Variants in NLGN4Y observed in about 807,000 individuals in gnomAD.
The protein encoded by NLGN4Y is neuroligin-4, Y-linked.
In NLGN4Y, 4 loss-of-function variants were observed where a neutral mutation model predicts 8.4. That is an observed-to-expected ratio of 0.48 (90% CI 0.23 to 1.09). NLGN4Y has a LOEUF of 1.09. Among genes scored for constraint, NLGN4Y ranks in the 50% least tolerant of loss-of-function variants. The pLI is 0.19. For missense variants in NLGN4Y, 90 were observed against 192.3 expected (o/e 0.47, Z 3.15); for synonymous variants, 35 against 75.6 (o/e 0.46, Z 2.78).
At chrY:14,576,665 G>C in intron 1 of NLGN4Y, among the ~76,000 whole-genome samples, 1 of 33,529 alleles carries the variant, frequency 3.0e-5, no homozygotes, top group Non-Finnish European at 7.4e-5. Flanking sequence ...GTTCTGCATC[G>C]CTTATGCTGG....
chrY:14,556,082 T>G (rs2080209846), intron 1 of NLGN4Y, among the ~76,000 whole-genome samples: 1 of 32,706 alleles, frequency 3.1e-5, no homozygotes, highest in Non-Finnish European at 7.5e-5. Context: ...CACTCCAGGA[T>G]GCAGGGGTTA....
At chrY:14,762,002 A>G in intron 4 of NLGN4Y, among the ~76,000 whole-genome samples, 1 of 32,573 alleles carries the variant, frequency 3.1e-5, no homozygotes, top group Non-Finnish European at 7.5e-5. Context: ...AACATAAAAA[A>G]TTAGCTGCTG....
chrY:14,577,557 C>T (rs2080303021), intron 1 of NLGN4Y, among the ~76,000 whole-genome samples: 1 of 34,156 alleles, frequency 2.9e-5, no homozygotes, highest in African/African-American at 1.1e-4. Flanking sequence ...GTAATCCCAG[C>T]GTTATTGTGT....
intron 1 of NLGN4Y, among the ~76,000 whole-genome samples, chrY:14,596,672 G>A: frequency 9.0e-5 from 3 of 33,332 alleles, no homozygotes; most frequent in African/African-American, 3.5e-4. Context: ...GGTTGTTAGA[G>A]AGCCCTTTCC....
chrY:14,631,074 T>TA (rs2080547097), intron 2 of NLGN4Y, among the ~76,000 whole-genome samples: 8 of 31,974 alleles, frequency 2.5e-4, no homozygotes, highest in Non-Finnish European at 3.8e-4. Context: ...GATATATATA[T>TA]TTTTTTTTCA....
chrY:14,724,850 C>G (rs975114050), intron 4 of NLGN4Y, among the ~76,000 whole-genome samples: 9 of 32,254 alleles, frequency 2.8e-4, no homozygotes, highest in African/African-American at 7.3e-4. Flanking sequence ...CCATGGTGGC[C>G]AGGCTGGTTT....
At chrY:14,774,919 C>T in intron 4 of NLGN4Y, among the ~76,000 whole-genome samples, 2 of 32,951 alleles carry the variant, frequency 6.1e-5, no homozygotes, top group Non-Finnish European at 1.5e-4. Flanking sequence ...AAACCAAACA[C>T]TCTTATGTTC....
chrY:14,788,367 G>A (rs111463427), intron 4 of NLGN4Y, among the ~76,000 whole-genome samples: 325 of 33,154 alleles, frequency 9.8e-3, no homozygotes, highest in African/African-American at 0.031. Context: ...CCAGGGATGC[G>A]TTCACTTCCA....
At chrY:14,608,009 A>G in intron 1 of NLGN4Y, among the ~76,000 whole-genome samples, 1 of 34,381 alleles carries the variant, frequency 2.9e-5, no homozygotes, top group East Asian at 7.7e-4. Context: ...TGTTGACTGC[A>G]CAAATGTCCT....
chrY:14,833,027 T>G, intron 6 of NLGN4Y, among the ~76,000 whole-genome samples: 1 of 32,746 alleles, frequency 3.1e-5, no homozygotes, highest in Non-Finnish European at 7.5e-5. Flanking sequence ...TGGGCTCACC[T>G]AGGGGGGCTG....
Position 14,809,303 on chromosome Y carries a change from G to A in NLGN4Y, c.686-14885G>A, listed in dbSNP as rs2150586891. Among the ~76,000 whole-genome samples, 8 of 32,156 alleles carry A rather than the reference G, an allele frequency of 2.5e-4. No individual in the cohort carries two copies. The South Asian group carries it at 4.1e-3, about 17-fold the overall frequency. The allele number at this position is 32,156 out of a possible 37,273, so 86.3% of individuals were successfully genotyped here. On this transcript the variant is annotated intron_variant, in intron 4 of 6. Coordinates refer to ENST00000684976, the MANE Select transcript of NLGN4Y (RefSeq NM_001365588.1). The stretch of plus-strand genomic sequence containing the variant: ...AGACCAGCCTGGACAACATGGCAAC[G>A]TCTCTGCAAAAAATACAAAAATTAG...
chrY:14,652,815 G>A, intron 2 of NLGN4Y, among the ~76,000 whole-genome samples: 1 of 32,307 alleles, frequency 3.1e-5, no homozygotes, highest in Non-Finnish European at 7.6e-5. Flanking sequence ...TTGTTGCCTT[G>A]TAAAGGTATT....
chrY:14,598,385 C>A, intron 1 of NLGN4Y, among the ~76,000 whole-genome samples: 2 of 33,907 alleles, frequency 5.9e-5, no homozygotes, highest in African/African-American at 1.1e-4. Flanking sequence ...AGCGCAGCGC[C>A]GGTGGGCCAG....
At chrY:14,565,173 G>A (rs2080247066) in intron 1 of NLGN4Y, among the ~76,000 whole-genome samples, 2 of 31,835 alleles carry the variant, frequency 6.3e-5, no homozygotes, top group African/African-American at 2.5e-4. Flanking sequence ...TAATGAGTTT[G>A]ATGAACTGAC....
At chrY:14,704,840 C>G (rs2080870025) in intron 2 of NLGN4Y, among the ~76,000 whole-genome samples, 2 of 32,737 alleles carry the variant, frequency 6.1e-5, no homozygotes, top group African/African-American at 2.4e-4. Flanking sequence ...AATTTCAGAG[C>G]CTGTTATTGG....
At chrY:14,698,903 ACTTCCAATAGCCTC>A (rs2080840595) in intron 2 of NLGN4Y, among the ~76,000 whole-genome samples, 1 of 32,954 alleles carries the variant, frequency 3.0e-5, no homozygotes, top group Non-Finnish European at 7.5e-5. Flanking sequence ...TTGTATAGAA[ACTTCCAATAGCCTC>A]TTTCTAGCCA....
intron 4 of NLGN4Y, among the ~76,000 whole-genome samples, chrY:14,795,723 A>G (rs2043005093): frequency 3.0e-5 from 1 of 33,615 alleles, no homozygotes; most frequent in Non-Finnish European, 7.3e-5. Flanking sequence ...GATTTCTTAT[A>G]TATATTAATA....
intron 2 of NLGN4Y, among the ~76,000 whole-genome samples, chrY:14,698,349 G>T (rs2080838601): frequency 3.0e-5 from 1 of 33,566 alleles, no homozygotes; most frequent in African/African-American, 1.2e-4. Context: ...TTTAGGTTGG[G>T]TTAAAGTTTA....
chrY:14,771,242 T>C (rs2081107199), intron 4 of NLGN4Y, among the ~76,000 whole-genome samples: 1 of 31,444 alleles, frequency 3.2e-5, no homozygotes, highest in Non-Finnish European at 7.7e-5. Context: ...CCAAGACATA[T>C]AATCATCAGA....
Sources: allele counts gnomAD v4.1 joint callset (sites outside exome capture counted in the v4.1 genomes callset), GRCh38; gene constraint gnomAD v4.1.1; transcripts MANE v1.5; gene names NCBI Gene and HGNC (gene_info 2026-07-23, HGNC 2026-07-21).